The following PLBD2 variants were observed in gnomAD, a reference collection of about 807,000 sequenced individuals.
The protein encoded by PLBD2 is phospholipase B domain containing 2.
PLBD2 carries 51 observed loss-of-function variants against 68.3 expected under a neutral mutation model. The observed-to-expected ratio is 0.75, with a 90% CI of 0.60 to 0.94. The LOEUF is 0.94. Ranked by LOEUF, PLBD2 falls within the 40% of genes least tolerant of loss-of-function variation. PLBD2 has a pLI of 0.00. For synonymous variants in PLBD2, 314 were observed against 339.3 expected (o/e 0.93, Z 0.82); for missense variants, 729 against 792.2 (o/e 0.92, Z 0.96).
chr12:113,386,590 G>C (rs1307974098), intron 9 of PLBD2, among the ~76,000 whole-genome samples: 3 of 150,872 alleles, frequency 2.0e-5, no homozygotes, highest in Non-Finnish European at 4.4e-5. Context: ...CTCGATCTCA[G>C]CTCACTGAAA....
chr12:113,370,039 A>G (rs1957375164), intron 2 of PLBD2, among the ~76,000 whole-genome samples: 1 of 151,946 alleles, frequency 6.6e-6, no homozygotes, highest in African/African-American at 2.4e-5. Context: ...AGCTGGGATT[A>G]CAGATGTGCA....
At chr12:113,381,246 C>T (rs988417348) in intron 6 of PLBD2, among the ~76,000 whole-genome samples, 5 of 150,714 alleles carry the variant, frequency 3.3e-5, no homozygotes, top group Non-Finnish European at 7.4e-5. Flanking sequence ...TGTGCCCCCG[C>T]CCCCCCCACA....
chr12:113,358,906 T>C lies in PLBD2; in HGVS notation c.290+16T>C. On this transcript the variant is annotated intron_variant, in intron 1 of 11. Coordinates refer to ENST00000280800, the MANE Select transcript of PLBD2 (RefSeq NM_173542.4). ...GCGAGACTGGGTAAGGGTTGGCTTA[T>C]CCCCACGCGGGGCCATCGGGGGAGG... 6.6e-7 allele frequency: 1 copy of C among 1,503,846 alleles called. No homozygotes were observed. The highest frequency in any genetic ancestry group is 8.9e-7 in the Non-Finnish European group (1 of 1,129,276). The allele number at this position is 1,503,846 out of a possible 1,614,324, so 93.2% of individuals were successfully genotyped here.
At chr12:113,380,532 A>G (rs1204230609) in intron 5 of PLBD2, among the ~76,000 whole-genome samples, 2 of 152,192 alleles carry the variant, frequency 1.3e-5, no homozygotes, top group Non-Finnish European at 2.9e-5. Context: ...AGGGCCAACT[A>G]TATAAGTTTT....
intron 5 of PLBD2, among the ~76,000 whole-genome samples, chr12:113,375,443 C>T (rs1324069099): frequency 6.6e-6 from 1 of 152,212 alleles, no homozygotes; most frequent in African/African-American, 2.4e-5. Context: ...TGAGCCACCA[C>T]GCCTAGCCAG....
intron 2 of PLBD2, among the ~76,000 whole-genome samples, chr12:113,370,407 TTAGAA>T (rs1214511195): frequency 6.6e-6 from 1 of 151,970 alleles, no homozygotes; most frequent in African/African-American, 2.4e-5. Flanking sequence ...GCTTCATAAC[TTAGAA>T]TATGTTATAT....
intron 10 of PLBD2, 28 bp downstream of exon 10, chr12:113,387,117 G>A: frequency 1.9e-6 from 3 of 1,539,254 alleles, no homozygotes; most frequent in South Asian, 1.2e-5. Flanking sequence ...GGTGGGTTGG[G>A]GAGAGGGAGG....
chr12:113,380,508 A>G (rs1263030755), intron 5 of PLBD2, among the ~76,000 whole-genome samples: 1 of 152,220 alleles, frequency 6.6e-6, no homozygotes, highest in Non-Finnish European at 1.5e-5. Flanking sequence ...AGGATGTGGA[A>G]CCCACGGACA....
chr12:113,382,266 G>A (rs1225080671), intron 6 of PLBD2, among the ~76,000 whole-genome samples: 2 of 152,180 alleles, frequency 1.3e-5, no homozygotes, highest in Non-Finnish European at 2.9e-5. Context: ...AGATCCAGAA[G>A]CAGGTGTGAT....
At chr12:113,367,557 C>G (rs767168596) in intron 1 of PLBD2, among the ~76,000 whole-genome samples, 1 of 152,066 alleles carries the variant, frequency 6.6e-6, no homozygotes, top group Non-Finnish European at 1.5e-5. Context: ...CAAGACCAGC[C>G]TGGCCAACAT....
At position 113,389,554 on chromosome 12, in the gene PLBD2, T is replaced by A. The variant is rs1957589397; in HGVS notation, c.*928T>A. On this transcript the variant is annotated 3_prime_UTR_variant, in exon 12 of 12. Coordinates refer to ENST00000280800, the MANE Select transcript of PLBD2 (RefSeq NM_173542.4). Reference sequence around the variant, plus strand: ...CATCTGCCAACATACTCACCCATCATCCATCTGCACAGCCTTCCACCCACC... The same window carrying A: ...CATCTGCCAACATACTCACCCATCAACCATCTGCACAGCCTTCCACCCACC... 1 of 152,406 alleles carries A rather than the reference T, an allele frequency of 6.6e-6. No homozygotes were observed. Among genetic ancestry groups the A allele is most frequent in the Non-Finnish European group, 1.5e-5 (1 of 68,232 alleles). The allele number at this position is 152,406 out of a possible 1,614,324, so 9.4% of individuals were successfully genotyped here. A position where few individuals can be genotyped will look rare whatever the true frequency, so the allele number is the denominator to read the frequency against.
At chr12:113,381,909 A>T (rs2136919308) in intron 6 of PLBD2, among the ~76,000 whole-genome samples, 1 of 151,790 alleles carries the variant, frequency 6.6e-6, no homozygotes, top group African/African-American at 2.4e-5. Context: ...GCAACCTCCC[A>T]CCTCCTGGGT....
chr12:113,379,676 C>T (rs757773108), intron 5 of PLBD2, among the ~76,000 whole-genome samples: 27 of 151,204 alleles, frequency 1.8e-4, no homozygotes, highest in Admixed American at 4.6e-4. Flanking sequence ...GGGTACCTGC[C>T]GGGGGTGGGC....
intron 1 of PLBD2, among the ~76,000 whole-genome samples, chr12:113,363,522 T>C (rs1957313915): frequency 6.6e-6 from 1 of 150,640 alleles, no homozygotes; most frequent in Non-Finnish European, 1.5e-5. Flanking sequence ...TCTTCCTAGA[T>C]ATAAACATTT....
chr12:113,378,607 C>G (rs1239510294), intron 5 of PLBD2, among the ~76,000 whole-genome samples: 1 of 151,940 alleles, frequency 6.6e-6, no homozygotes, highest in African/African-American at 2.4e-5. Context: ...GGTGATCCTC[C>G]TGCCTCAGCC....
At chr12:113,381,914 C>T (rs1002282739) in intron 6 of PLBD2, among the ~76,000 whole-genome samples, 3 of 152,154 alleles carry the variant, frequency 2.0e-5, no homozygotes, top group African/African-American at 4.8e-5. Context: ...CTCCCACCTC[C>T]TGGGTTCAGG....
Position 113,375,022 on chromosome 12 carries a change from G to A in PLBD2, c.859+15G>A, listed in dbSNP as rs760960784. On this transcript the variant is annotated intron_variant, in intron 5 of 11. Coordinates refer to ENST00000280800, the MANE Select transcript of PLBD2 (RefSeq NM_173542.4). ...AGGCCCCTGGGGTAGGTGGGTGTGG[G>A]TGTGTCTGGGGGATGAGCAGGTGGG... is the stretch of plus-strand genomic sequence containing the variant. 4 of 1,613,108 alleles carry A rather than the reference G, an allele frequency of 2.5e-6. No homozygotes were observed. The highest frequency in any genetic ancestry group is 2.2e-5 in the South Asian group (2 of 91,030).
intron 1 of PLBD2, 141 bp downstream of exon 1, chr12:113,359,031 C>T: frequency 7.2e-6 from 7 of 967,420 alleles, no homozygotes. Flanking sequence ...GAGGCTGCAG[C>T]ACCGCCCTGC....
At chr12:113,382,069 T>C (rs1957496227) in intron 6 of PLBD2, among the ~76,000 whole-genome samples, 1 of 152,218 alleles carries the variant, frequency 6.6e-6, no homozygotes, top group South Asian at 2.1e-4. Context: ...GGGATCCTCC[T>C]ACCTCAGCTT....
Sources: allele counts gnomAD v4.1 joint callset (sites outside exome capture counted in the v4.1 genomes callset), GRCh38; gene constraint gnomAD v4.1.1; transcripts MANE v1.5; gene names NCBI Gene and HGNC (gene_info 2026-07-23, HGNC 2026-07-21).